KCNB2: variants seen among roughly 807,000 people sequenced by gnomAD.
The protein encoded by KCNB2 is delayed rectifier potassium channel protein.
Under a neutral mutation model 61.5 loss-of-function variants are expected in KCNB2, and 15 were observed. That is an observed-to-expected ratio of 0.24 (90% confidence interval 0.16 to 0.38). The LOEUF (loss-of-function observed/expected upper bound fraction) is 0.38, where lower values mean the gene tolerates loss of function less well. Ranked by LOEUF, KCNB2 falls within the 10% of genes least tolerant of loss-of-function variation. The pLI, the probability that KCNB2 is intolerant of heterozygous loss-of-function variation, is 1.00. For synonymous variants in KCNB2, 457 were observed against 446.0 expected (o/e 1.02, Z -0.31); for missense variants, 828 against 1,125.2 (o/e 0.74, Z 3.78).
At chr8:72,851,845 A>AAAAAC (rs1563404693) in intron 2 of KCNB2, among the ~76,000 whole-genome samples, 11 of 148,014 alleles carry the variant, frequency 7.4e-5, no homozygotes, top group African/African-American at 2.8e-4. Flanking sequence ...AAAAAAAAAA[A>AAAAAC]AAACACGTAC....
intron 2 of KCNB2, among the ~76,000 whole-genome samples, chr8:72,785,766 A>T (rs1808836278): frequency 6.6e-6 from 1 of 152,182 alleles, no homozygotes; most frequent in African/African-American, 2.4e-5. Context: ...GCAATGGTTT[A>T]AATAGATTCA....
intron 2 of KCNB2, among the ~76,000 whole-genome samples, chr8:72,678,521 C>T (rs1806700650): frequency 6.6e-6 from 1 of 152,198 alleles, no homozygotes; most frequent in Non-Finnish European, 1.5e-5. Context: ...GCACTTTTCT[C>T]TGCCTCTGAT....
At chr8:72,752,516 A>T (rs1337089063) in intron 2 of KCNB2, among the ~76,000 whole-genome samples, 17 of 152,074 alleles carry the variant, frequency 1.1e-4, no homozygotes, top group Admixed American at 1.1e-3. Context: ...ATCTCTTCTG[A>T]TCATCTACTG....
chr8:72,614,050 C>T (rs1805580093), intron 2 of KCNB2, among the ~76,000 whole-genome samples: 1 of 152,076 alleles, frequency 6.6e-6, no homozygotes, highest in South Asian at 2.1e-4. Context: ...TGCCTTTCTG[C>T]TAGGAAGGAT....
At chr8:72,901,259 G>A (rs888820593) in intron 2 of KCNB2, among the ~76,000 whole-genome samples, 4 of 152,092 alleles carry the variant, frequency 2.6e-5, no homozygotes, top group African/African-American at 9.7e-5. Flanking sequence ...GGGGGAGGTG[G>A]CAGACTATCT....
chr8:72,795,108 C>A (rs893771791), intron 2 of KCNB2, among the ~76,000 whole-genome samples: 1 of 152,080 alleles, frequency 6.6e-6, no homozygotes, highest in African/African-American at 2.4e-5. Flanking sequence ...GGGATCGGTA[C>A]AAGATCATTA....
At chr8:72,598,880 C>T (rs1807243137) in intron 2 of KCNB2, among the ~76,000 whole-genome samples, 1 of 152,076 alleles carries the variant, frequency 6.6e-6, no homozygotes, top group Non-Finnish European at 1.5e-5. Flanking sequence ...CCTAGGAATC[C>T]AACTTACAAG....
intron 2 of KCNB2, among the ~76,000 whole-genome samples, chr8:72,929,499 G>A (rs16938504): frequency 0.049 from 7,472 of 152,210 alleles, 578 homozygotes; most frequent in African/African-American, 0.17. Context: ...TAGAACATAC[G>A]CAGCGCAATA....
intron 2 of KCNB2, among the ~76,000 whole-genome samples, chr8:72,889,019 A>G (rs140961036): frequency 0.017 from 2,648 of 152,236 alleles, 67 homozygotes; most frequent in African/African-American, 0.056. Flanking sequence ...ACCTGAAGGA[A>G]ATGTTCTGGA....
chr8:72,632,687 AG>A (rs1805899353), intron 2 of KCNB2, among the ~76,000 whole-genome samples: 1 of 152,186 alleles, frequency 6.6e-6, no homozygotes, highest in Non-Finnish European at 1.5e-5. Flanking sequence ...AGAATCACGC[AG>A]CTAATTAGTA....
At chr8:72,718,922 G>A (rs766814887) in intron 2 of KCNB2, among the ~76,000 whole-genome samples, 41 of 152,168 alleles carry the variant, frequency 2.7e-4, no homozygotes, top group African/African-American at 8.4e-4. Context: ...TAAATTGGCC[G>A]AGTCATAAGG....
At chr8:72,692,857 A>G (rs1806961076) in intron 2 of KCNB2, among the ~76,000 whole-genome samples, 3 of 150,830 alleles carry the variant, frequency 2.0e-5, no homozygotes, top group African/African-American at 7.3e-5. Context: ...ATTTTCTAAT[A>G]TGCAAGATTT....
chr8:72,682,613 GGA>G (rs1437644227), intron 2 of KCNB2, among the ~76,000 whole-genome samples: 1 of 149,164 alleles, frequency 6.7e-6, no homozygotes, highest in Non-Finnish European at 1.5e-5. Flanking sequence ...AAAAAAAAAA[GGA>G]GAGGATTTCA....
At chr8:72,643,794 C>A (rs967653845) in intron 2 of KCNB2, among the ~76,000 whole-genome samples, 3 of 152,096 alleles carry the variant, frequency 2.0e-5, no homozygotes, top group African/African-American at 7.2e-5. Flanking sequence ...ATCAGATGGA[C>A]CCATTTCTCT....
chr8:72,658,367 C>A (rs1029139157), intron 2 of KCNB2, among the ~76,000 whole-genome samples: 2 of 152,146 alleles, frequency 1.3e-5, no homozygotes, highest in Non-Finnish European at 2.9e-5. Context: ...AGAGCGAGGT[C>A]CTAACTCTAC....
intron 2 of KCNB2, among the ~76,000 whole-genome samples, chr8:72,739,781 G>A (rs1807917151): frequency 6.6e-6 from 1 of 152,038 alleles, no homozygotes; most frequent in Admixed American, 6.6e-5. Flanking sequence ...AATAGAAAGG[G>A]TACTCAATCA....
At chr8:72,790,343 C>A (rs879398643) in intron 2 of KCNB2, among the ~76,000 whole-genome samples, 1 of 152,144 alleles carries the variant, frequency 6.6e-6, no homozygotes, top group Non-Finnish European at 1.5e-5. Flanking sequence ...GTCAGAGACA[C>A]AGGAGAGAAC....
chr8:72,821,641 C>CAAAAA (rs61090576), intron 2 of KCNB2, among the ~76,000 whole-genome samples: 2 of 125,786 alleles, frequency 1.6e-5, no homozygotes, highest in Non-Finnish European at 3.2e-5. Flanking sequence ...CAAAAAAAAA[C>CAAAAA]AAAAAAAAAA....
At chr8:72,564,695 C>A (rs2128978670) in intron 1 of KCNB2, among the ~76,000 whole-genome samples, 1 of 152,188 alleles carries the variant, frequency 6.6e-6, no homozygotes, top group African/African-American at 2.4e-5. Context: ...ATCAGTGGCG[C>A]CAAAGACAGA....
Sources: gnomAD v4.1 joint callset for allele counts (sites outside exome capture counted in the v4.1 genomes callset) on GRCh38, gnomAD v4.1.1 for gene constraint, MANE v1.5 for transcripts, NCBI Gene and HGNC (gene_info 2026-07-23, HGNC 2026-07-21) for gene names.